Variants in LRSAM1 observed in about 807,000 individuals in gnomAD.
LRSAM1 encodes the protein leucine rich repeat and sterile alpha motif containing 1, also known as E3 ubiquitin-protein ligase LRSAM1.
Under a neutral mutation model 118.1 loss-of-function variants are expected in LRSAM1, and 96 were observed. The observed-to-expected ratio is 0.81, with a 90% CI of 0.69 to 0.96. LRSAM1 has a LOEUF of 0.96. LRSAM1 is among the 40% of genes least tolerant of loss of function. The probability of loss-of-function intolerance (pLI) is 0.00; values close to 1 mark genes in which losing one functional copy is unlikely to be tolerated. For synonymous variants in LRSAM1, 322 were observed against 364.2 expected, an observed-to-expected ratio of 0.88 and a Z score of 1.32; for missense variants, 804 against 915.5, an observed-to-expected ratio of 0.88 and a Z score of 1.57.
chr9:127,496,520 C>T (rs1220175037), intron 23 of LRSAM1, among the ~76,000 whole-genome samples: 11 of 152,246 alleles, frequency 7.2e-5, no homozygotes, highest in Non-Finnish European at 1.3e-4. Flanking sequence ...GAATACTCAT[C>T]GCTGTGCCAG....
rs775636699 is a variant in LRSAM1 at position 127,489,532 on chromosome 9, C to T, written c.1422+14C>T. ...ATCAGGAGCCAGGTGAGCGCTGGGG[C>T]TGGGGTCCCTGGACCTGCTCTCTCA... On this transcript the variant is annotated intron_variant, in intron 19 of 25. Coordinates refer to ENST00000300417, the MANE Select transcript of LRSAM1 (RefSeq NM_001005373.4). 10 of 1,598,484 alleles carry T rather than the reference C, an allele frequency of 6.3e-6. No homozygotes were observed. The highest frequency in any genetic ancestry group is 1.8e-5 in the Admixed American group (1 of 56,986).
chr9:127,466,387 A>G (rs1395985336), intron 9 of LRSAM1, among the ~76,000 whole-genome samples: 5 of 150,020 alleles, frequency 3.3e-5, no homozygotes, highest in African/African-American at 2.5e-5. Flanking sequence ...TTAGTTTGAT[A>G]GATATCCCTC....
intron 10 of LRSAM1, among the ~76,000 whole-genome samples, chr9:127,469,749 G>A (rs1835096249): frequency 6.6e-6 from 1 of 152,154 alleles, no homozygotes; most frequent in Admixed American, 6.5e-5. Flanking sequence ...GGATCATGAC[G>A]TCAGAAGATT....
chr9:127,469,896 A>T (rs1451309582), intron 10 of LRSAM1, among the ~76,000 whole-genome samples: 1 of 151,672 alleles, frequency 6.6e-6, no homozygotes. Flanking sequence ...ACCCGGGAGG[A>T]GGAGCTTGCA....
At chr9:127,476,371 C>T (rs1329695477) in intron 11 of LRSAM1, among the ~76,000 whole-genome samples, 4 of 151,990 alleles carry the variant, frequency 2.6e-5, no homozygotes, top group Non-Finnish European at 5.9e-5. Flanking sequence ...TGTGGCGAGA[C>T]CCTGTCTCTA....
chr9:127,467,957 A>G, intron 10 of LRSAM1, 127 bp downstream of exon 10: 1 of 864,866 alleles, frequency 1.2e-6, no homozygotes, highest in Non-Finnish European at 1.9e-6. Context: ...TTGGAGTTCG[A>G]GGTCTGGCAA....
intron 9 of LRSAM1, among the ~76,000 whole-genome samples, chr9:127,463,881 A>ATACTATTG (rs1187780897): frequency 1.3e-5 from 2 of 152,218 alleles, no homozygotes; most frequent in Middle Eastern, 3.2e-3. Context: ...TGTGAGGCAG[A>ATACTATTG]TACTATTGTG....
chr9:127,459,048 C>A lies in LRSAM1; in HGVS notation c.298C>A (p.Leu100Met). 6.2e-7 allele frequency: 1 copy of A among 1,613,772 alleles called. No individual in the cohort carries two copies. Among genetic ancestry groups the A allele is most frequent in the Middle Eastern group, 1.6e-4 (1 of 6,062 alleles). Residue 100 changes from leucine (L) to methionine (M), a missense_variant, in exon 7 of 26, where the codon CTG becomes ATG. By Grantham distance (15) the Leu-to-Met change is conservative (BLOSUM62 2). Transcript: ENST00000300417. ...TCAGCTGACAGCCCTTCCTGACGAT[C>A]TGGGGCAGCTGACTGCCCTCCAGGT... ...DNQLTALPDD[L>M]GQLTALQVLN... is the part of the protein sequence containing the mutation.
intron 3 of LRSAM1, 117 bp downstream of exon 3, chr9:127,454,716 C>A (rs1834451859): frequency 1.8e-6 from 2 of 1,132,156 alleles, no homozygotes; most frequent in Non-Finnish European, 2.6e-6. Flanking sequence ...CCCCCACCCA[C>A]AGAAGAAATA....
At position 127,502,988 on chromosome 9, in the gene LRSAM1, CGT is replaced by C; in HGVS notation, c.*90_*91del. ...TGCTCAGCCTTGTGCCAGCCAGACT[CGT>C]ATGAGGCTCCCCCCTGCCCTGGGCC... On this transcript the variant is annotated 3_prime_UTR_variant, in exon 26 of 26. Transcript: ENST00000300417. 2 of 1,514,100 alleles carry C rather than the reference CGT, an allele frequency of 1.3e-6. No homozygotes were observed. Among genetic ancestry groups the C allele is most frequent in the South Asian group, 1.2e-5 (1 of 83,014 alleles). The allele number at this position is 1,514,100 out of a possible 1,614,324, so 93.8% of individuals were successfully genotyped here. A position where few individuals can be genotyped will look rare whatever the true frequency, so the allele number is the denominator to read the frequency against.
chr9:127,485,824 G>A lies in LRSAM1; in HGVS notation c.1248G>A (p.Gln416=). Residue 416 remains glutamine (Q), a synonymous_variant, in exon 17 of 26, where the codon CAG becomes CAA. Coordinates refer to ENST00000300417, the MANE Select transcript of LRSAM1 (RefSeq NM_001005373.4). The part of the protein sequence containing the change: ...YESQRQNLVQ[Q]ACSSMAEMDE... ...CTCAGAGGCAGAACTTGGTCCAGCA[G>A]GCCTGTTCCAGGTAAGGTAAGGAAG... 6.2e-7 allele frequency: 1 copy of A among 1,614,172 alleles called. No individual in the cohort carries two copies. The highest frequency in any genetic ancestry group is 8.5e-7 in the Non-Finnish European group (1 of 1,180,022).
chr9:127,470,406 C>G (rs548979471), intron 10 of LRSAM1, among the ~76,000 whole-genome samples: 1 of 151,958 alleles, frequency 6.6e-6, no homozygotes, highest in Non-Finnish European at 1.5e-5. Context: ...ATAAGAATAG[C>G]ATGGGGGAAC....
intron 24 of LRSAM1, among the ~76,000 whole-genome samples, chr9:127,499,875 A>G (rs942526911): frequency 6.6e-6 from 1 of 151,298 alleles, no homozygotes; most frequent in South Asian, 2.1e-4. Flanking sequence ...CAGTGAGCCG[A>G]GATCGCACCA....
chr9:127,489,968 C>T (rs963145894), intron 19 of LRSAM1, among the ~76,000 whole-genome samples: 1 of 152,210 alleles, frequency 6.6e-6, no homozygotes, highest in Non-Finnish European at 1.5e-5. Context: ...AGCTGTGAGC[C>T]ACGGTGGTCC....
At chr9:127,488,056 G>A (rs1450283944) in intron 18 of LRSAM1, among the ~76,000 whole-genome samples, 1 of 152,130 alleles carries the variant, frequency 6.6e-6, no homozygotes, top group Non-Finnish European at 1.5e-5. Context: ...AGTGGCAGGA[G>A]GTGATGGTGA....
intron 25 of LRSAM1, among the ~76,000 whole-genome samples, chr9:127,501,731 C>CA (rs962991196): frequency 3.3e-5 from 5 of 151,332 alleles, no homozygotes; most frequent in Non-Finnish European, 5.9e-5. Context: ...GATTCCATCT[C>CA]AAAAAAAAGA....
chr9:127,495,077 G>A (rs1469524084), intron 21 of LRSAM1, among the ~76,000 whole-genome samples: 3 of 152,088 alleles, frequency 2.0e-5, no homozygotes, highest in Admixed American at 1.3e-4. Context: ...TCAGCCTCTC[G>A]AGTAGCTGGG....
intron 24 of LRSAM1, among the ~76,000 whole-genome samples, chr9:127,500,063 GAA>G (rs1836319080): frequency 6.6e-6 from 1 of 151,592 alleles, no homozygotes; most frequent in South Asian, 2.1e-4. Flanking sequence ...TTGCATGATA[GAA>G]AAAGAGACTT....
chr9:127,491,854 C>G (rs1432934322), intron 20 of LRSAM1, among the ~76,000 whole-genome samples: 1 of 152,232 alleles, frequency 6.6e-6, no homozygotes, highest in African/African-American at 2.4e-5. Flanking sequence ...CAGCACAGCC[C>G]TGCTGTGCAA....
Sources: gnomAD v4.1 joint callset for allele counts (sites outside exome capture counted in the v4.1 genomes callset) on GRCh38, gnomAD v4.1.1 for gene constraint, MANE v1.5 for transcripts, NCBI Gene and HGNC (gene_info 2026-07-23, HGNC 2026-07-21) for gene names.